RBFOX1: variants seen among roughly 807,000 people sequenced by gnomAD.
The protein encoded by RBFOX1 is RNA binding protein fox-1 homolog 1.
In RBFOX1, 8 loss-of-function variants were observed where a neutral mutation model predicts 57.7. The observed-to-expected ratio is 0.14, with a 90% CI of 0.08 to 0.25. RBFOX1 has a LOEUF of 0.25. Among genes scored for constraint, RBFOX1 ranks in the 10% least tolerant of loss-of-function variants. RBFOX1 has a pLI of 1.00. For missense variants in RBFOX1, 611 were observed against 548.5 expected, an observed-to-expected ratio of 1.11 and a Z score of -1.14; for synonymous variants, 326 against 222.4, an observed-to-expected ratio of 1.47 and a Z score of -4.15.
chr16:6,710,949 A>C lies in RBFOX1; in HGVS notation c.-16+56299A>C, dbSNP rs148393733. Among the ~76,000 whole-genome samples, 10 of 152,346 alleles carry C rather than the reference A, an allele frequency of 6.6e-5. No individual in the cohort carries two copies. The East Asian group carries it at 1.7e-3, about 26-fold the overall frequency. On this transcript the variant is annotated intron_variant, in intron 3 of 15. Transcript: ENST00000550418. ...TGATGGGCAAATCCATGAAGGCTAC[A>C]TGTAACGGGAGTGCAATTCCCCAAA...
At chr16:6,353,803 T>C (rs2086815058) in intron 2 of RBFOX1, among the ~76,000 whole-genome samples, 1 of 152,084 alleles carries the variant, frequency 6.6e-6, no homozygotes, top group Non-Finnish European at 1.5e-5. Flanking sequence ...GACATTGGAG[T>C]GCCCCTGTCT....
At chr16:7,104,520 C>A (rs147070457) in intron 4 of RBFOX1, among the ~76,000 whole-genome samples, 1 of 152,092 alleles carries the variant, frequency 6.6e-6, no homozygotes, top group African/African-American at 2.4e-5. Flanking sequence ...ACTTTAAAAG[C>A]AATGGCTTAC....
chr16:7,207,980 T>G (rs2090342221), intron 4 of RBFOX1, among the ~76,000 whole-genome samples: 1 of 152,204 alleles, frequency 6.6e-6, no homozygotes, highest in African/African-American at 2.4e-5. Flanking sequence ...GTGAGCCTCC[T>G]GTAAGTGGGG....
chr16:5,579,695 G>A (rs777857180), intron 2 of RBFOX1, among the ~76,000 whole-genome samples: 18 of 151,960 alleles, frequency 1.2e-4, no homozygotes, highest in Non-Finnish European at 1.6e-4. Context: ...CTTGAAGCTC[G>A]CTTGACTTTT....
chr16:5,368,384 C>T (rs1596690909), intron 1 of RBFOX1, among the ~76,000 whole-genome samples: 1 of 152,176 alleles, frequency 6.6e-6, no homozygotes, highest in Non-Finnish European at 1.5e-5. Context: ...AATGTCGGGG[C>T]ACCTAACCAA....
chr16:5,514,643 G>A (rs756609535), intron 2 of RBFOX1, among the ~76,000 whole-genome samples: 17 of 152,012 alleles, frequency 1.1e-4, no homozygotes, highest in Non-Finnish European at 1.3e-4. Flanking sequence ...CAAACAAAAC[G>A]GATGCACATC....
At chr16:5,686,209 A>G (rs574947411) in intron 3 of RBFOX1, among the ~76,000 whole-genome samples, 173 of 152,310 alleles carry the variant, frequency 1.1e-3, no homozygotes, top group African/African-American at 3.6e-3. Context: ...AGATACACAC[A>G]GAGTTTGGCA....
chr16:5,277,097 A>G (rs1432913654), intron 1 of RBFOX1, among the ~76,000 whole-genome samples: 1 of 152,202 alleles, frequency 6.6e-6, no homozygotes, highest in Non-Finnish European at 1.5e-5. Context: ...ATATGTATAT[A>G]TATATATACC....
chr16:5,965,962 ATG>A (rs1414074945), intron 4 of RBFOX1, among the ~76,000 whole-genome samples: 1 of 152,094 alleles, frequency 6.6e-6, no homozygotes, highest in East Asian at 1.9e-4. Context: ...TGGCTGTGAA[ATG>A]TTTCGGCCAA....
At chr16:5,708,741 C>G (rs1226731152) in intron 3 of RBFOX1, among the ~76,000 whole-genome samples, 1 of 152,184 alleles carries the variant, frequency 6.6e-6, no homozygotes, top group Admixed American at 6.5e-5. Context: ...AAAAATCCAT[C>G]TTGGGGATAT....
chr16:6,614,923 G>A (rs1409374683), intron 2 of RBFOX1, among the ~76,000 whole-genome samples: 1 of 152,088 alleles, frequency 6.6e-6, no homozygotes, highest in Non-Finnish European at 1.5e-5. Context: ...GGACTTCACC[G>A]TATCTTTTTG....
At chr16:5,352,316 A>G (rs532931151) in intron 1 of RBFOX1, among the ~76,000 whole-genome samples, 167 of 152,306 alleles carry the variant, frequency 1.1e-3, no homozygotes, top group Non-Finnish European at 1.7e-3. Flanking sequence ...AAGTTCACAT[A>G]CATTTAACCT....
intron 4 of RBFOX1, among the ~76,000 whole-genome samples, chr16:7,335,307 C>G (rs574877662): frequency 1.3e-5 from 2 of 152,244 alleles, no homozygotes; most frequent in South Asian, 4.1e-4. Context: ...AATTAAGGTT[C>G]TATCACCACC....
chr16:6,559,256 C>G (rs1454907003), intron 2 of RBFOX1, among the ~76,000 whole-genome samples: 2 of 151,950 alleles, frequency 1.3e-5, no homozygotes, highest in Non-Finnish European at 2.9e-5. Context: ...CCAAAAGTGT[C>G]TAATTAGACA....
chr16:6,673,593 G>T (rs2098781636), intron 3 of RBFOX1, among the ~76,000 whole-genome samples: 1 of 152,136 alleles, frequency 6.6e-6, no homozygotes, highest in Non-Finnish European at 1.5e-5. Flanking sequence ...GACAGAGCGA[G>T]ACTCCATGTC....
intron 3 of RBFOX1, among the ~76,000 whole-genome samples, chr16:6,886,467 T>G (rs1418802806): frequency 6.6e-6 from 1 of 151,874 alleles, no homozygotes; most frequent in Non-Finnish European, 1.5e-5. Context: ...GATATGAAAA[T>G]GTAGGCCCAG....
intron 1 of RBFOX1, among the ~76,000 whole-genome samples, chr16:6,212,751 A>G (rs566126054): frequency 2.0e-5 from 3 of 152,174 alleles, no homozygotes; most frequent in Non-Finnish European, 4.4e-5. Context: ...CACTAATATG[A>G]TAATGGAGTA....
chr16:7,562,465 A>C (rs1207197453), intron 5 of RBFOX1, among the ~76,000 whole-genome samples: 1 of 152,148 alleles, frequency 6.6e-6, no homozygotes. Context: ...GACCATTGGC[A>C]ACAGCCTTGA....
At chr16:5,877,422 GA>G (rs2057642009) in intron 4 of RBFOX1, among the ~76,000 whole-genome samples, 1 of 152,230 alleles carries the variant, frequency 6.6e-6, no homozygotes, top group Non-Finnish European at 1.5e-5. Flanking sequence ...GTTCAAGGGG[GA>G]GAGTGAATAC....
Sources: allele counts gnomAD v4.1 joint callset (sites outside exome capture counted in the v4.1 genomes callset), GRCh38; gene constraint gnomAD v4.1.1; transcripts MANE v1.5; gene names NCBI Gene and HGNC (gene_info 2026-07-23, HGNC 2026-07-21).